The following USP25 variants were observed in gnomAD, a reference collection of about 807,000 sequenced individuals.
The protein encoded by USP25 is ubiquitin carboxyl-terminal hydrolase 25.
USP25 carries 85 observed loss-of-function variants against 158.5 expected under a neutral mutation model. The observed-to-expected ratio is 0.54, with a 90% CI of 0.45 to 0.64. The LOEUF (loss-of-function observed/expected upper bound fraction) is 0.64. Ranked by LOEUF, USP25 falls within the 30% of genes least tolerant of loss-of-function variation. The pLI, the probability that USP25 is intolerant of heterozygous loss-of-function variation, is 0.00. For synonymous variants in USP25, 464 were observed against 460.4 expected, an observed-to-expected ratio of 1.01 and a Z score of -0.10; for missense variants, 1,242 against 1,327.3, an observed-to-expected ratio of 0.94 and a Z score of 1.00.
At chr21:15,857,559 C>CT (rs1461124160) in intron 20 of USP25, among the ~76,000 whole-genome samples, 4 of 151,874 alleles carry the variant, frequency 2.6e-5, no homozygotes, top group Admixed American at 2.6e-4. Context: ...TTTATGTTGA[C>CT]TGTCATTCAT....
At chr21:15,777,780 T>TTAA in intron 3 of USP25, 124 bp from the exon 4 acceptor site, 1 of 834,362 alleles carries the variant, frequency 1.2e-6, no homozygotes, top group East Asian at 3.1e-5. Flanking sequence ...GATAGGCTTT[T>TTAA]AGAAATACAA....
chr21:15,762,706 C>T (rs2033802410), intron 1 of USP25, among the ~76,000 whole-genome samples, 185 bp from the exon 2 acceptor site: 1 of 152,138 alleles, frequency 6.6e-6, no homozygotes, highest in Admixed American at 6.5e-5. Flanking sequence ...TTCTCCACAG[C>T]ATGATTCATT....
intron 16 of USP25, among the ~76,000 whole-genome samples, chr21:15,832,264 TTC>T (rs754964460): frequency 4.1e-4 from 62 of 152,234 alleles, no homozygotes; most frequent in Admixed American, 1.3e-4. Context: ...TCTTGCACAT[TTC>T]TCTCTTATCT....
At chr21:15,745,612 A>T (rs988538333) in intron 1 of USP25, among the ~76,000 whole-genome samples, 1 of 150,696 alleles carries the variant, frequency 6.6e-6, no homozygotes, top group Non-Finnish European at 1.5e-5. Flanking sequence ...AGTAGCTGGG[A>T]TTACAGGCAT....
intron 10 of USP25, 113 bp downstream of exon 10, chr21:15,818,959 A>G (rs1023098626): frequency 2.4e-6 from 3 of 1,267,774 alleles, no homozygotes; most frequent in East Asian, 4.7e-5. Context: ...GAGAATACTC[A>G]GAGAGTATGT....
At chr21:15,767,934 T>C (rs1239765522) in intron 3 of USP25, among the ~76,000 whole-genome samples, 1 of 152,084 alleles carries the variant, frequency 6.6e-6, no homozygotes, top group Non-Finnish European at 1.5e-5. Context: ...TTTACGATTT[T>C]AGATAGGGAA....
chr21:15,735,525 T>G lies in USP25; in HGVS notation c.45+5087T>G, dbSNP rs548718057. ...TTTGACATTCGCAGATTTTGGCCTC[T>G]GGGGGTCCTGGAACCAGTTCTCCTT... On this transcript the variant is annotated intron_variant, in intron 1 of 25. Transcript: ENST00000400183. 5.9e-5 allele frequency among the ~76,000 whole-genome samples: 9 copies of G among 152,356 alleles called. No individual in the cohort carries two copies. In the South Asian group the frequency reaches 8.3e-4, roughly 14 times the overall value.
At chr21:15,730,861 A>G (rs928306370) in intron 1 of USP25, among the ~76,000 whole-genome samples, 1 of 152,022 alleles carries the variant, frequency 6.6e-6, no homozygotes, top group African/African-American at 2.4e-5. Context: ...GGTCTCCACC[A>G]AAATCGAATT....
In USP25 at chr21:15,877,834, AGAG is replaced by A. The variant is rs2040160002; in HGVS notation, c.3051_3053del (p.Glu1017del). ...AAGCCGCAGAACTCTTCGAATCTGG[AGAG>A]GATCGAGAAGTAAACAATGGTTTGA... On this transcript the variant is annotated inframe_deletion, in exon 25 of 26. Transcript: ENST00000400183. The A allele has an allele frequency of 6.2e-7, 1 of 1,612,702 alleles. No individual in the cohort carries two copies. The highest frequency in any genetic ancestry group is 1.3e-5 in the African/African-American group (1 of 74,952).
At chr21:15,829,426 A>C (rs2037689999) in intron 14 of USP25, among the ~76,000 whole-genome samples, 1 of 152,178 alleles carries the variant, frequency 6.6e-6, no homozygotes, top group African/African-American at 2.4e-5. Flanking sequence ...TCACTCCAAA[A>C]CATTAAACCA....
rs1256606896 is a variant in USP25 at position 15,825,001 on chromosome 21, A to G, written c.1244A>G (p.Lys415Arg). 1 of 1,612,112 alleles carries G rather than the reference A, an allele frequency of 6.2e-7. No individual in the cohort carries two copies. Among genetic ancestry groups the G allele is most frequent in the East Asian group, 2.2e-5 (1 of 44,714 alleles). Residue 415 changes from lysine (K) to arginine (R), a missense_variant, in exon 12 of 26, where the codon AAG becomes AGG. By Grantham distance (26) the Lys-to-Arg change is conservative. This residue lies in a region of USP25 where 627 missense variants were observed against 701.4 expected (regional missense o/e 0.89). Transcript: ENST00000400183. ...MHRNREITRI[K>R]REEIKRLKDY... is the part of the protein sequence containing the mutation. ...AGAAACAGAGAAATAACAAGAATTA[A>G]GAGGGAAGAGATCAAGAGACTGAAA...
intron 1 of USP25, among the ~76,000 whole-genome samples, chr21:15,738,948 C>T (rs2031780944): frequency 1.3e-5 from 2 of 152,124 alleles, no homozygotes; most frequent in Admixed American, 1.3e-4. Flanking sequence ...CCTGCTTGCT[C>T]ATTTGATCAT....
In USP25 at chr21:15,818,715, A is replaced by T. The variant is rs1171381187; in HGVS notation, c.949A>T (p.Thr317Ser). 6.2e-7 allele frequency: 1 copy of T among 1,608,708 alleles called. No individual in the cohort carries two copies. Among genetic ancestry groups the T allele is most frequent in the Non-Finnish European group, 8.5e-7 (1 of 1,177,218 alleles). Residue 317 changes from threonine (T) to serine (S), a missense_variant, in exon 10 of 26, where the codon ACT becomes TCT. By Grantham distance (58) the Thr-to-Ser change is moderately conservative. Transcript: ENST00000400183. Reference sequence around the variant, plus strand: ...TCTTATAGGTAAAAAATTTGAAAACACTGAAATGTTTGGTCAGTACCCACT... The same window carrying T: ...TCTTATAGGTAAAAAATTTGAAAACTCTGAAATGTTTGGTCAGTACCCACT... Reference protein sequence around the residue: ...GVLEGKKFENTEMFGQYPLQV... With the variant: ...GVLEGKKFENSEMFGQYPLQV...
chr21:15,830,463 A>G (rs2037743167), intron 14 of USP25, 68 bp from the exon 15 acceptor site: 3 of 1,375,996 alleles, frequency 2.2e-6, no homozygotes, highest in Non-Finnish European at 2.0e-6. Flanking sequence ...TAGGAAAAAC[A>G]TTAGTCCTTA....
chr21:15,869,299 CTA>C (rs35829817), intron 22 of USP25, among the ~76,000 whole-genome samples: 20,695 of 150,970 alleles, frequency 0.14, 1,755 homozygotes, highest in East Asian at 0.21. Context: ...TGGCTAATAA[CTA>C]TGTTTCTTAT....
chr21:15,818,406 C>A (rs1359333850), intron 9 of USP25, among the ~76,000 whole-genome samples: 3 of 152,042 alleles, frequency 2.0e-5, no homozygotes, highest in African/African-American at 7.2e-5. Flanking sequence ...TGTATATATT[C>A]CCAGTGTTCA....
chr21:15,818,628 C>A (rs1310714130), intron 9 of USP25, 70 bp from the exon 10 acceptor site: 1 of 1,365,726 alleles, frequency 7.3e-7, no homozygotes, highest in East Asian at 2.3e-5. Flanking sequence ...AGGTGAGAAT[C>A]CTTACGTACT....
At chr21:15,769,611 G>A (rs753836457) in intron 3 of USP25, among the ~76,000 whole-genome samples, 19 of 152,040 alleles carry the variant, frequency 1.2e-4, no homozygotes, top group Non-Finnish European at 1.3e-4. Context: ...ACCCGGTATT[G>A]AGCATTATAG....
intron 10 of USP25, among the ~76,000 whole-genome samples, chr21:15,819,382 C>G (rs2037113014): frequency 6.6e-6 from 1 of 152,128 alleles, no homozygotes; most frequent in African/African-American, 2.4e-5. Flanking sequence ...CCAGCCATCT[C>G]TGTTTCTTTA....
Sources: allele counts gnomAD v4.1 joint callset (sites outside exome capture counted in the v4.1 genomes callset), GRCh38; gene constraint gnomAD v4.1.1; regional missense constraint gnomAD v4.1.1; transcripts MANE v1.5; gene names NCBI Gene and HGNC (gene_info 2026-07-23, HGNC 2026-07-21).